TTC39B: variants seen among roughly 807,000 people sequenced by gnomAD.
The protein encoded by TTC39B is tetratricopeptide repeat protein 39B.
In TTC39B, 92 loss-of-function variants were observed where a neutral mutation model predicts 96.6. That is an observed-to-expected ratio of 0.95 (90% confidence interval 0.80 to 1.13). The LOEUF is 1.13. Ranked by LOEUF, TTC39B falls within the 50% of genes most tolerant of loss-of-function variation. The pLI, the probability that TTC39B is intolerant of heterozygous loss-of-function variation, is 0.00. For missense variants in TTC39B, 955 were observed against 809.3 expected, an observed-to-expected ratio of 1.18 and a Z score of -2.18; for synonymous variants, 367 against 299.4, an observed-to-expected ratio of 1.23 and a Z score of -2.33.
At chr9:15,263,018 A>G (rs569131134) in intron 2 of TTC39B, among the ~76,000 whole-genome samples, 1 of 152,352 alleles carries the variant, frequency 6.6e-6, no homozygotes, top group East Asian at 1.9e-4. Context: ...TCACATAAAA[A>G]CAACTGAAGA....
chr9:15,301,171 G>A (rs992294993), intron 1 of TTC39B, among the ~76,000 whole-genome samples: 12 of 152,078 alleles, frequency 7.9e-5, no homozygotes, highest in South Asian at 4.1e-4. Flanking sequence ...AGTCTTTGCC[G>A]GACCCTAAAC....
At chr9:15,252,366 G>A (rs1196694999) in intron 2 of TTC39B, among the ~76,000 whole-genome samples, 1 of 152,090 alleles carries the variant, frequency 6.6e-6, no homozygotes, top group African/African-American at 2.4e-5. Context: ...TACAAAAGGT[G>A]GGCCGGGCGC....
At chr9:15,207,832 A>G (rs568877115) in intron 6 of TTC39B, among the ~76,000 whole-genome samples, 1 of 151,018 alleles carries the variant, frequency 6.6e-6, no homozygotes, top group East Asian at 2.0e-4. Context: ...AAAATACAAA[A>G]AATTAGCCAG....
At chr9:15,252,986 T>C (rs1359256189) in intron 2 of TTC39B, among the ~76,000 whole-genome samples, 1 of 152,204 alleles carries the variant, frequency 6.6e-6, no homozygotes, top group Non-Finnish European at 1.5e-5. Flanking sequence ...AAATTATAAA[T>C]ACCCTGTAAT....
At chr9:15,267,770 C>A in intron 2 of TTC39B, 144 bp downstream of exon 2, 1 of 634,444 alleles carries the variant, frequency 1.6e-6, no homozygotes, top group Non-Finnish European at 2.7e-6. Context: ...ATCACATCCT[C>A]TTTAATTATA....
chr9:15,166,983 TATA>T (rs1235985361), exon 20 of TTC39B: 20 of 4,350 alleles, frequency 4.6e-3, no homozygotes, highest in African/African-American at 8.4e-3. Context: ...ACCTTTATTT[TATA>T]TATATATATA....
At chr9:15,163,670 T>C (rs1291294611) in exon 20 of TTC39B, 1 of 152,198 alleles carries the variant, frequency 6.6e-6, no homozygotes, top group Non-Finnish European at 1.5e-5. Flanking sequence ...GCATGTTAAG[T>C]AAACCAGTTG....
chr9:15,199,650 G>C (rs1375499111), intron 8 of TTC39B, among the ~76,000 whole-genome samples: 2 of 145,224 alleles, frequency 1.4e-5, no homozygotes, highest in African/African-American at 5.1e-5. Context: ...CAGGAGAATG[G>C]CGTGAACCTG....
At chr9:15,262,359 A>G (rs955176844) in intron 2 of TTC39B, among the ~76,000 whole-genome samples, 3 of 152,182 alleles carry the variant, frequency 2.0e-5, no homozygotes, top group African/African-American at 4.8e-5. Flanking sequence ...TCAGCCTCCC[A>G]AAGTGCTGGG....
intron 17 of TTC39B, among the ~76,000 whole-genome samples, chr9:15,181,122 G>T (rs578041220): frequency 1.3e-5 from 2 of 152,112 alleles, no homozygotes; most frequent in African/African-American, 2.4e-5. Context: ...CCCAACCAAT[G>T]GGGGGCTGGG....
At chr9:15,221,165 C>T (rs1382945920) in intron 3 of TTC39B, among the ~76,000 whole-genome samples, 1 of 152,118 alleles carries the variant, frequency 6.6e-6, no homozygotes, top group Non-Finnish European at 1.5e-5. Context: ...CACATTGCCC[C>T]CTAACTTTAG....
At chr9:15,267,319 A>G (rs1823171804) in intron 2 of TTC39B, among the ~76,000 whole-genome samples, 1 of 152,264 alleles carries the variant, frequency 6.6e-6, no homozygotes, top group African/African-American at 2.4e-5. Context: ...AGGCAATTAG[A>G]GATATACAAA....
At chr9:15,192,830 C>T in intron 8 of TTC39B, 135 bp from the exon 9 acceptor site, 1 of 623,104 alleles carries the variant, frequency 1.6e-6, no homozygotes. Flanking sequence ...AAGGATGATG[C>T]TGTGCTGAGT....
At chr9:15,290,589 C>T (rs144667425) in intron 1 of TTC39B, among the ~76,000 whole-genome samples, 427 of 152,344 alleles carry the variant, frequency 2.8e-3, no homozygotes, top group Non-Finnish European at 4.5e-3. Context: ...GCACGTTTGA[C>T]GTCTTCCTCT....
intron 18 of TTC39B, 92 bp downstream of exon 18, chr9:15,177,605 G>A (rs1295809761): frequency 8.6e-6 from 7 of 811,204 alleles, no homozygotes; most frequent in Non-Finnish European, 1.2e-5. Flanking sequence ...GAGTTTAGCA[G>A]TAAGAGATAA....
intron 6 of TTC39B, among the ~76,000 whole-genome samples, chr9:15,206,938 A>G (rs1020806146): frequency 2.6e-5 from 4 of 152,148 alleles, no homozygotes; most frequent in African/African-American, 7.2e-5. Context: ...TGTTTGGATC[A>G]TGGGGGTGGT....
chr9:15,273,192 C>T (rs1410999980), intron 1 of TTC39B, among the ~76,000 whole-genome samples: 1 of 152,116 alleles, frequency 6.6e-6, no homozygotes, highest in East Asian at 1.9e-4. Flanking sequence ...ATTTTTATCT[C>T]TAGAGAACAA....
intron 13 of TTC39B, 61 bp downstream of exon 13, chr9:15,189,513 G>A (rs1345916842): frequency 1.0e-5 from 16 of 1,563,682 alleles, no homozygotes; most frequent in Middle Eastern, 3.3e-4. Context: ...AGGTCACAGC[G>A]ACTCATGTAG....
chr9:15,285,137 C>A (rs1191561525), intron 1 of TTC39B, among the ~76,000 whole-genome samples: 1 of 151,916 alleles, frequency 6.6e-6, no homozygotes, highest in Non-Finnish European at 1.5e-5. Flanking sequence ...TGGTGGCGGG[C>A]GCCTGTAGTC....
Sources: gnomAD v4.1 joint callset for allele counts (sites outside exome capture counted in the v4.1 genomes callset) on GRCh38, gnomAD v4.1.1 for gene constraint, MANE v1.5 for transcripts, NCBI Gene and HGNC (gene_info 2026-07-23, HGNC 2026-07-21) for gene names.